Variants in CRAMP1 observed in about 807,000 individuals in gnomAD.
The protein encoded by CRAMP1 is cramped chromatin regulator 1, also known as protein cramped-like.
CRAMP1 carries 50 observed loss-of-function variants against 115.4 expected under a neutral mutation model. The ratio of observed to expected loss-of-function variants is 0.43; its 90% CI spans 0.35 to 0.55. The LOEUF (loss-of-function observed/expected upper bound fraction) is 0.55, where lower values mean the gene tolerates loss of function less well. Among genes scored for constraint, CRAMP1 ranks in the 20% least tolerant of loss-of-function variants. The pLI is 0.01. For synonymous variants in CRAMP1, 866 were observed against 745.4 expected, an observed-to-expected ratio of 1.16 and a Z score of -2.64; for missense variants, 1,679 against 1,721.7, an observed-to-expected ratio of 0.98 and a Z score of 0.44.
At chr16:1,663,658 G>C (rs906495217) in intron 13 of CRAMP1, among the ~76,000 whole-genome samples, 5 of 151,994 alleles carry the variant, frequency 3.3e-5, no homozygotes, top group Non-Finnish European at 7.4e-5. Context: ...GGTGTACGAC[G>C]ACCATCACCA....
chr16:1,667,017 C>A lies in CRAMP1; in HGVS notation c.3037-318C>A, dbSNP rs145090117. On this transcript the variant is annotated intron_variant, in intron 16 of 20. Coordinates refer to ENST00000397412, the MANE Select transcript of CRAMP1 (RefSeq NM_020825.4). ...TTTCTCTGGCCTCCCACGGCCACTT[C>A]AGAGCTGCCCCAAGGAGGGTGGGGT... 2.7e-3 allele frequency among the ~76,000 whole-genome samples: 417 copies of A among 152,336 alleles called. 2 individuals are homozygous for A. Among genetic ancestry groups the A allele is most frequent in the African/African-American group, 9.5e-3 (397 of 41,592 alleles).
rs1184457937 is a variant in CRAMP1 at position 1,626,179 on chromosome 16, T to C, written c.540+13T>C. On this transcript the variant is annotated intron_variant, in intron 3 of 20. Coordinates refer to ENST00000397412, the MANE Select transcript of CRAMP1 (RefSeq NM_020825.4). ...GGGGCTGTACGAGGTGAGTAGGCTG[T>C]GGAGGCACGGCCAGGCAGCCTGGGC... 2 of 1,473,224 alleles carry C rather than the reference T, an allele frequency of 1.4e-6. No individual in the cohort carries two copies. Among genetic ancestry groups the C allele is most frequent in the East Asian group, 2.6e-5 (1 of 39,002 alleles). The allele number at this position is 1,473,224 out of a possible 1,614,324, so 91.3% of individuals were successfully genotyped here. A position where few individuals can be genotyped will look rare whatever the true frequency, so the allele number is the denominator to read the frequency against.
chr16:1,653,274 C>G, intron 8 of CRAMP1, 118 bp downstream of exon 8: 2 of 1,226,280 alleles, frequency 1.6e-6, no homozygotes, highest in Non-Finnish European at 2.3e-6. Context: ...TATGCTCTGT[C>G]ATCACACGAG....
rs1596501306 is a variant in CRAMP1, at chr16:1,674,185, C to A, written c.*140C>A. 1 of 826,576 alleles carries A rather than the reference C, an allele frequency of 1.2e-6. No individual in the cohort carries two copies. Among genetic ancestry groups the A allele is most frequent in the Non-Finnish European group, 1.8e-6 (1 of 541,556 alleles). 51.2% of individuals were successfully genotyped at this position (826,576 alleles called of 1,614,324 possible). A position where few individuals can be genotyped will look rare whatever the true frequency, so the allele number is the denominator to read the frequency against. On this transcript the variant is annotated 3_prime_UTR_variant, in exon 21 of 21. Coordinates refer to ENST00000397412, the MANE Select transcript of CRAMP1 (RefSeq NM_020825.4). ...GGGCAGGAACGTGGTCACAGAGCTGCTTCCCCACGAGCAGCAGGCAACGGC... is the reference window on the plus strand; with the variant it reads ...GGGCAGGAACGTGGTCACAGAGCTGATTCCCCACGAGCAGCAGGCAACGGC...
chr16:1,639,859 G>A (rs531125100), intron 5 of CRAMP1, among the ~76,000 whole-genome samples: 15 of 152,224 alleles, frequency 9.9e-5, no homozygotes, highest in East Asian at 3.8e-4. Flanking sequence ...GGAAGTCAGC[G>A]TGAATTGGCC....
At chr16:1,626,234 C>T (rs948953291) in intron 3 of CRAMP1, 68 bp downstream of exon 3, 3 of 1,353,014 alleles carry the variant, frequency 2.2e-6, no homozygotes, top group Non-Finnish European at 3.0e-6. Flanking sequence ...CCTCCGTTCC[C>T]CGTGCTTCCT....
rs370408080 is a variant in CRAMP1 at position 1,656,172 on chromosome 16, G to T, written c.1415G>T (p.Gly472Val). ...CCGCGGAGCGGAGCTGAGGGCAAGG[G>T]TGTGGGGCGGCCCCCTCCTGCGGCT... Reference protein sequence around the residue: ...KCPRSGAEGKGVGRPPPAADA... With the variant: ...KCPRSGAEGKVVGRPPPAADA... Residue 472 changes from glycine (G) to valine (V), a missense_variant, in exon 10 of 21, where the codon GGT (glycine) becomes GTT (valine). By Grantham distance (109) the Gly-to-Val change is moderately radical (BLOSUM62 -3). Transcript: ENST00000397412. This position sits in a 1 kb window ranked among gnomAD's most constrained non-coding sequence, Gnocchi z 5.6. The T allele has an allele frequency of 1.1e-4, 171 of 1,604,686 alleles. No individual in the cohort carries two copies. Among genetic ancestry groups the T allele is most frequent in the East Asian group, 2.5e-4 (11 of 44,718 alleles).
chr16:1,625,853 C>T (rs564956173), intron 2 of CRAMP1, 120 bp from the exon 3 acceptor site: 22 of 987,820 alleles, frequency 2.2e-5, no homozygotes, highest in African/African-American at 3.3e-5. Context: ...CCAGCATCCT[C>T]GGTTGAGGAG....
chr16:1,620,325 C>T (rs533581486), intron 2 of CRAMP1, among the ~76,000 whole-genome samples: 1 of 152,316 alleles, frequency 6.6e-6, no homozygotes, highest in Non-Finnish European at 1.5e-5. Context: ...GCCATGAGGA[C>T]GTTTCCCGGT....
chr16:1,640,949 C>T (rs1050819996), intron 5 of CRAMP1, among the ~76,000 whole-genome samples, 190 bp from the exon 6 acceptor site: 42 of 152,190 alleles, frequency 2.8e-4, no homozygotes, highest in African/African-American at 1.0e-3. Flanking sequence ...GCGGGGGCGA[C>T]CAGGGCAGCT....
rs2036875052 is a variant in CRAMP1 at position 1,666,245 on chromosome 16, T to C, written c.2857+68T>C. The C allele has an allele frequency of 7.9e-7, 1 of 1,261,982 alleles. No homozygotes were observed. The highest frequency in any genetic ancestry group is 1.1e-6 in the Non-Finnish European group (1 of 883,422). 78.2% of individuals were successfully genotyped at this position (1,261,982 alleles called of 1,614,324 possible). A position where few individuals can be genotyped will look rare whatever the true frequency, so the allele number is the denominator to read the frequency against. The stretch of plus-strand genomic sequence containing the variant: ...TGAGGGATGTTTTTGTGACCAGGTT[T>C]TTTGAATGTTTTCTTCTCCAAATCA... On this transcript the variant is annotated intron_variant, in intron 15 of 20. Coordinates refer to ENST00000397412, the MANE Select transcript of CRAMP1 (RefSeq NM_020825.4). The surrounding 1 kb of genome is among the most constrained non-coding windows in gnomAD (Gnocchi z 5.0).
chr16:1,655,335 T>C, intron 9 of CRAMP1, 35 bp downstream of exon 9: 3 of 1,559,822 alleles, frequency 1.9e-6, no homozygotes, highest in Non-Finnish European at 2.7e-6. Flanking sequence ...CCATCCAGGC[T>C]GCGCTGCCTC....
In CRAMP1 at chr16:1,662,474, T is replaced by C. The variant is rs1469000247; in HGVS notation, c.2414-16T>C. 2.5e-6 allele frequency: 4 copies of C among 1,604,620 alleles called. No individual in the cohort carries two copies. The African/African-American group carries it at 5.4e-5, about 21-fold the overall frequency. Reference sequence around the variant, plus strand: ...GGTGAATGCTGTCACACTGATTCTCTCCTCTCCTCTCCCAGGTTTGAGAAA... The same window carrying C: ...GGTGAATGCTGTCACACTGATTCTCCCCTCTCCTCTCCCAGGTTTGAGAAA... On this transcript the variant is annotated splice_polypyrimidine_tract_variant and intron_variant, in intron 11 of 20. Coordinates refer to ENST00000397412, the MANE Select transcript of CRAMP1 (RefSeq NM_020825.4).
intron 3 of CRAMP1, among the ~76,000 whole-genome samples, chr16:1,629,238 C>T (rs1225162306): frequency 6.6e-6 from 1 of 151,898 alleles, no homozygotes; most frequent in East Asian, 1.9e-4. Context: ...CTCTGTGCTT[C>T]GCAGTGTTCC....
At position 1,656,193 on chromosome 16, in the gene CRAMP1, C is replaced by A; in HGVS notation, c.1436C>A (p.Ala479Glu). ...AAGGGTGTGGGGCGGCCCCCTCCTG[C>A]GGCTGACGCCTTGCAGAGCTCCGGA... ...EGKGVGRPPPAADALQSSGES... is the reference protein window; with the variant it reads ...EGKGVGRPPPEADALQSSGES... Residue 479 changes from alanine (A) to glutamate (E), a missense_variant, in exon 10 of 21, where the codon GCG (alanine) becomes GAG (glutamate). Physicochemically the swap from Ala to Glu is moderately radical, Grantham distance 107. Transcript: ENST00000397412. The surrounding 1 kb of genome is among the most constrained non-coding windows in gnomAD (Gnocchi z 5.6). 2 of 1,601,036 alleles carry A rather than the reference C, an allele frequency of 1.2e-6. No individual in the cohort carries two copies. Among genetic ancestry groups the A allele is most frequent in the Non-Finnish European group, 1.7e-6 (2 of 1,174,516 alleles).
At position 1,666,629 on chromosome 16, in the gene CRAMP1, A is replaced by G. The variant is rs1290761660; in HGVS notation, c.3036+29A>G. 19 of 1,598,644 alleles carry G rather than the reference A, an allele frequency of 1.2e-5. No individual in the cohort carries two copies. Among genetic ancestry groups the G allele is most frequent in the Non-Finnish European group, 1.6e-5 (19 of 1,167,014 alleles). The stretch of plus-strand genomic sequence containing the variant: ...AGTATGTTTAGAAGGGCTTTTCAGC[A>G]TTACCACCAACTTCTGGTGTGGACG... On this transcript the variant is annotated intron_variant, in intron 16 of 20. Transcript: ENST00000397412. The surrounding 1 kb of genome is among the most constrained non-coding windows in gnomAD (Gnocchi z 5.0).
chr16:1,615,281 G>A (rs946692210), intron 2 of CRAMP1, among the ~76,000 whole-genome samples: 1 of 152,180 alleles, frequency 6.6e-6, no homozygotes, highest in Non-Finnish European at 1.5e-5. Context: ...GTTTTCTATG[G>A]TTTTGTGTTT....
At chr16:1,665,174 C>G (rs763344756) in intron 14 of CRAMP1, 36 bp downstream of exon 14, 2 of 1,362,110 alleles carry the variant, frequency 1.5e-6, no homozygotes, top group Non-Finnish European at 2.1e-6. Flanking sequence ...TAGCTTGTCC[C>G]TCCTCCTCAC....
chr16:1,633,843 G>T (rs914997884), intron 4 of CRAMP1, among the ~76,000 whole-genome samples: 21 of 152,180 alleles, frequency 1.4e-4, no homozygotes, highest in African/African-American at 4.8e-4. Flanking sequence ...GCAGAGGCGG[G>T]CGGATCACGA....
Sources: allele counts gnomAD v4.1 joint callset (sites outside exome capture counted in the v4.1 genomes callset), GRCh38; gene constraint gnomAD v4.1.1; non-coding constraint Gnocchi (gnomAD v3.1); transcripts MANE v1.5; gene names NCBI Gene and HGNC (gene_info 2026-07-23, HGNC 2026-07-21).